The following ARHGAP10 variants were observed in gnomAD, a reference collection of about 807,000 sequenced individuals.
The protein encoded by ARHGAP10 is rho GTPase-activating protein 10.
Under a neutral mutation model 108.6 loss-of-function variants are expected in ARHGAP10, and 87 were observed. The ratio of observed to expected loss-of-function variants is 0.80; its 90% CI spans 0.67 to 0.96. ARHGAP10 has a LOEUF of 0.96. Ranked by LOEUF, ARHGAP10 falls within the 40% of genes least tolerant of loss-of-function variation. ARHGAP10 has a pLI of 0.00. For synonymous variants in ARHGAP10, 347 were observed against 341.1 expected (o/e 1.02, Z -0.19); for missense variants, 939 against 954.5 (o/e 0.98, Z 0.21).
intron 3 of ARHGAP10, among the ~76,000 whole-genome samples, chr4:147,823,525 A>G (rs1332552602): frequency 6.6e-6 from 1 of 152,176 alleles, no homozygotes; most frequent in Non-Finnish European, 1.5e-5. Context: ...TAGGAGGCTA[A>G]GCTGGGTGGA....
intron 18 of ARHGAP10, among the ~76,000 whole-genome samples, chr4:148,007,359 A>G (rs926066165): frequency 3.3e-5 from 5 of 152,196 alleles, no homozygotes; most frequent in African/African-American, 1.2e-4. Context: ...GTCATCAGGG[A>G]AGGAAGGGAG....
At chr4:147,771,298 T>C (rs978864327) in intron 1 of ARHGAP10, among the ~76,000 whole-genome samples, 1 of 152,212 alleles carries the variant, frequency 6.6e-6, no homozygotes. Context: ...GAAAATGACA[T>C]GTGCTCAAGT....
intron 18 of ARHGAP10, among the ~76,000 whole-genome samples, chr4:147,983,203 T>TG (rs397801198): frequency 6.8e-6 from 1 of 146,550 alleles, no homozygotes; most frequent in Non-Finnish European, 1.5e-5. Flanking sequence ...TTTTTTTTTT[T>TG]GAAGCAGAGT....
intron 14 of ARHGAP10, among the ~76,000 whole-genome samples, chr4:147,943,157 CTACTT>C (rs374432629): frequency 8.5e-5 from 13 of 152,270 alleles, no homozygotes; most frequent in African/African-American, 3.1e-4. Context: ...TCCTTCTTCC[CTACTT>C]TAGTTTAAAA....
chr4:147,753,290 CCTGT>C, intron 1 of ARHGAP10, among the ~76,000 whole-genome samples: 1 of 152,244 alleles, frequency 6.6e-6, no homozygotes, highest in East Asian at 1.9e-4. Flanking sequence ...TCTGCTCTGT[CCTGT>C]CAGTTCAGGA....
At chr4:147,972,766 T>A (rs1007664296) in intron 18 of ARHGAP10, among the ~76,000 whole-genome samples, 5 of 152,028 alleles carry the variant, frequency 3.3e-5, no homozygotes, top group African/African-American at 1.2e-4. Flanking sequence ...TTTCTTTTTT[T>A]TTTTTGAGAC....
At chr4:147,944,986 G>A (rs1338228698) in intron 14 of ARHGAP10, among the ~76,000 whole-genome samples, 1 of 152,132 alleles carries the variant, frequency 6.6e-6, no homozygotes, top group Non-Finnish European at 1.5e-5. Context: ...GCTCTCAATC[G>A]TTCTGTGAGA....
intron 1 of ARHGAP10, among the ~76,000 whole-genome samples, chr4:147,740,450 T>TA (rs1329873219): frequency 1.3e-5 from 2 of 152,228 alleles, no homozygotes; most frequent in Admixed American, 6.5e-5. Context: ...AGGGAAGTGA[T>TA]AATCGATCTT....
chr4:147,768,553 T>G (rs1403993672), intron 1 of ARHGAP10, among the ~76,000 whole-genome samples: 2 of 152,156 alleles, frequency 1.3e-5, no homozygotes, highest in South Asian at 2.1e-4. Context: ...ACTTACTAAA[T>G]TTTCTCTGAA....
At chr4:147,831,608 G>A (rs1732955427) in intron 3 of ARHGAP10, among the ~76,000 whole-genome samples, 2 of 152,210 alleles carry the variant, frequency 1.3e-5, no homozygotes, top group African/African-American at 4.8e-5. Flanking sequence ...AAAGTTGTCA[G>A]TGACCTAATT....
chr4:147,782,926 AAT>A (rs1475771988), intron 1 of ARHGAP10, among the ~76,000 whole-genome samples: 7 of 142,560 alleles, frequency 4.9e-5, no homozygotes, highest in African/African-American at 1.0e-4. Flanking sequence ...TAAATTATAT[AAT>A]ATATAAAATT....
At chr4:148,070,428 G>A (rs1354932819) in intron 22 of ARHGAP10, among the ~76,000 whole-genome samples, 1 of 152,226 alleles carries the variant, frequency 6.6e-6, no homozygotes, top group African/African-American at 2.4e-5. Context: ...CAGCCGGAAT[G>A]TGTTCCTATT....
intron 18 of ARHGAP10, among the ~76,000 whole-genome samples, chr4:147,971,032 G>T (rs1388216499): frequency 2.7e-5 from 4 of 148,530 alleles, no homozygotes; most frequent in Non-Finnish European, 5.9e-5. Context: ...GGTGGAGGTT[G>T]CAGTGAGCTG....
intron 19 of ARHGAP10, among the ~76,000 whole-genome samples, chr4:148,045,213 ACC>A (rs1029250531): frequency 1.3e-5 from 2 of 152,134 alleles, no homozygotes; most frequent in Admixed American, 1.3e-4. Flanking sequence ...CTCAATACTC[ACC>A]ATAAACAATT....
chr4:147,877,127 G>A (rs1402023248), intron 8 of ARHGAP10, among the ~76,000 whole-genome samples: 1 of 152,196 alleles, frequency 6.6e-6, no homozygotes. Context: ...TGGGGCCAGA[G>A]ATTCTGATTT....
At chr4:147,771,229 G>T (rs1243226352) in intron 1 of ARHGAP10, among the ~76,000 whole-genome samples, 1 of 152,134 alleles carries the variant, frequency 6.6e-6, no homozygotes, top group Non-Finnish European at 1.5e-5. Flanking sequence ...CACATTCTGG[G>T]GGGTAAGGAA....
At chr4:148,013,074 A>G (rs371066279) in intron 18 of ARHGAP10, among the ~76,000 whole-genome samples, 24 of 152,202 alleles carry the variant, frequency 1.6e-4, no homozygotes, top group African/African-American at 4.6e-4. Context: ...AAGTGTTCCT[A>G]TAAATTTTAG....
chr4:147,957,932 T>C (rs563912770), intron 16 of ARHGAP10, among the ~76,000 whole-genome samples: 1 of 152,242 alleles, frequency 6.6e-6, no homozygotes. Context: ...AACATTTTTT[T>C]CTTTGAGAAA....
At chr4:148,060,438 G>A (rs962404807) in intron 20 of ARHGAP10, among the ~76,000 whole-genome samples, 2 of 149,012 alleles carry the variant, frequency 1.3e-5, no homozygotes, top group Non-Finnish European at 3.0e-5. Flanking sequence ...GACGTGTACT[G>A]GCTTTAGATG....
Sources: gnomAD v4.1 joint callset for allele counts (sites outside exome capture counted in the v4.1 genomes callset) on GRCh38, gnomAD v4.1.1 for gene constraint, MANE v1.5 for transcripts, NCBI Gene and HGNC (gene_info 2026-07-23, HGNC 2026-07-21) for gene names.